TICRR: variants seen among roughly 807,000 people sequenced by gnomAD.
The protein encoded by TICRR is treslin.
A neutral mutation model predicts 178.1 loss-of-function variants in TICRR; 132 were observed. The observed-to-expected ratio is 0.74, with a 90% CI of 0.64 to 0.86. TICRR has a LOEUF of 0.86. Ranked by LOEUF, TICRR falls within the 40% of genes least tolerant of loss-of-function variation. TICRR has a pLI of 0.00. For synonymous variants in TICRR, 991 were observed against 900.7 expected (o/e 1.10, Z -1.79); for missense variants, 2,587 against 2,334.3 (o/e 1.11, Z -2.23).
chr15:89,582,185 A>G (rs889117836), intron 1 of TICRR: 1 of 152,532 alleles, frequency 6.6e-6, no homozygotes, highest in African/African-American at 2.4e-5. Context: ...TTAGGCGGGC[A>G]TGGTGGCGCA....
intron 8 of TICRR, among the ~76,000 whole-genome samples, chr15:89,600,256 C>A (rs1963071690): frequency 6.6e-6 from 1 of 152,148 alleles, no homozygotes; most frequent in Non-Finnish European, 1.5e-5. Context: ...TATTCATGTT[C>A]AGTGGCCATC....
At chr15:89,595,748 A>G in intron 7 of TICRR, 137 bp downstream of exon 7, 1 of 659,614 alleles carries the variant, frequency 1.5e-6, no homozygotes, top group Non-Finnish European at 2.6e-6. Flanking sequence ...TAATAAGATA[A>G]TGTGCTATTC....
intron 1 of TICRR, among the ~76,000 whole-genome samples, chr15:89,581,782 G>A (rs1427667200): frequency 2.0e-5 from 3 of 152,162 alleles, no homozygotes; most frequent in Non-Finnish European, 4.4e-5. Context: ...GAGAAGTAGC[G>A]TGACCAGAGA....
intron 14 of TICRR, among the ~76,000 whole-genome samples, chr15:89,608,601 T>A (rs989416433): frequency 2.6e-5 from 4 of 152,120 alleles, no homozygotes; most frequent in African/African-American, 7.2e-5. Flanking sequence ...ACATATAAAA[T>A]TTTTTTTAAT....
Position 89,625,039 on chromosome 15 carries a change from A to T in TICRR, c.4729A>T (p.Lys1577Ter). 1 of 1,614,014 alleles carries T rather than the reference A, an allele frequency of 6.2e-7. No homozygotes were observed. The highest frequency in any genetic ancestry group is 8.5e-7 in the Non-Finnish European group (1 of 1,180,008). Reference sequence around the variant, plus strand: ...TGGCCTTCCCAAACTTCGAATTAAGAAGATAGACCCCAGCTCTTCATTAGA... The same window carrying T: ...TGGCCTTCCCAAACTTCGAATTAAGTAGATAGACCCCAGCTCTTCATTAGA... Reference protein sequence around the residue: ...ASGLPKLRIKKIDPSSSLEAE... With the variant: ...ASGLPKLRIK Residue 1577 changes from lysine to a stop codon, truncating the protein, a stop_gained, in exon 20 of 22, where the codon AAG becomes TAG. Transcript: ENST00000268138. LOFTEE classifies it high-confidence loss of function.
At chr15:89,583,879 G>A (rs1962773465) in intron 2 of TICRR, among the ~76,000 whole-genome samples, 1 of 152,058 alleles carries the variant, frequency 6.6e-6, no homozygotes, top group Non-Finnish European at 1.5e-5. Context: ...TAGAGATGGG[G>A]TTTTGCCTTG....
chr15:89,586,346 A>C (rs1962823077), intron 4 of TICRR, among the ~76,000 whole-genome samples: 1 of 150,626 alleles, frequency 6.6e-6, no homozygotes, highest in South Asian at 2.1e-4. Context: ...GTAGATTTAA[A>C]TATACGTATA....
intron 3 of TICRR, among the ~76,000 whole-genome samples, 197 bp downstream of exon 3, chr15:89,584,724 A>G (rs1220246877): frequency 6.6e-6 from 1 of 152,268 alleles, no homozygotes; most frequent in African/African-American, 2.4e-5. Context: ...TGCATGTACC[A>G]AGAATCCAAT....
chr15:89,624,712 A>G lies in TICRR; in HGVS notation c.4402A>G (p.Ser1468Gly). The part of the protein sequence containing the change: ...TSDTEHVTLL[S>G]EAEHHGIGDL... ...TGACACAGAGCATGTCACTCTCCTC[A>G]GTGAAGCCGAACACCATGGCATTGG... is the stretch of plus-strand genomic sequence containing the variant. Residue 1468 changes from serine (S) to glycine (G), a missense_variant, in exon 20 of 22, where the codon AGT becomes GGT. Coordinates refer to ENST00000268138, the MANE Select transcript of TICRR (RefSeq NM_152259.4). 1 of 1,614,164 alleles carries G rather than the reference A, an allele frequency of 6.2e-7. No individual in the cohort carries two copies. Among genetic ancestry groups the G allele is most frequent in the Non-Finnish European group, 8.5e-7 (1 of 1,180,038 alleles).
intron 19 of TICRR, among the ~76,000 whole-genome samples, chr15:89,622,880 TTAGGCAGCCCTTCTTTG>T (rs1184874390): frequency 2.0e-5 from 3 of 152,210 alleles, no homozygotes; most frequent in African/African-American, 7.2e-5. Flanking sequence ...CCAGGCTGGG[TTAGGCAGCCCTTCTTTG>T]TGTTCTGTGA....
chr15:89,595,922 A>T (rs952437895), intron 7 of TICRR, among the ~76,000 whole-genome samples: 7 of 148,528 alleles, frequency 4.7e-5, no homozygotes, highest in African/African-American at 1.7e-4. Flanking sequence ...TGCTTTACAG[A>T]TTTTTTTTTT....
In TICRR at chr15:89,584,359, A is replaced by G; in HGVS notation, c.1008A>G (p.Lys336=). Reference sequence around the variant, plus strand: ...CCATGCATCAGAGACATTTTCAGAAACCAGTCAGAATTTTTCTAAAAGGCT... The same window carrying G: ...CCATGCATCAGAGACATTTTCAGAAGCCAGTCAGAATTTTTCTAAAAGGCT... The part of the protein sequence containing the change: ...PLAMHQRHFQ[K]PVRIFLKGSV... The change falls in exon 3 of 22, where the codon AAA becomes AAG. Residue 336 remains lysine (K), a synonymous_variant. Coordinates refer to ENST00000268138, the MANE Select transcript of TICRR (RefSeq NM_152259.4). The G allele has an allele frequency of 1.2e-6, 2 of 1,614,182 alleles. No homozygotes were observed. The highest frequency in any genetic ancestry group is 1.7e-6 in the Non-Finnish European group (2 of 1,180,028).
At chr15:89,626,313 T>C (rs1050524716) in intron 21 of TICRR, among the ~76,000 whole-genome samples, 5 of 152,234 alleles carry the variant, frequency 3.3e-5, no homozygotes, top group Non-Finnish European at 5.9e-5. Flanking sequence ...AGTCGTGGGC[T>C]TGCCGCAACA....
At chr15:89,578,877 A>G (rs571058666) in intron 1 of TICRR, among the ~76,000 whole-genome samples, 12 of 152,230 alleles carry the variant, frequency 7.9e-5, no homozygotes, top group Non-Finnish European at 1.6e-4. Flanking sequence ...AAACCTGCCC[A>G]GCCATGCTGG....
chr15:89,623,545 G>A, intron 19 of TICRR, 78 bp from the exon 20 acceptor site: 7 of 1,379,518 alleles, frequency 5.1e-6, no homozygotes, highest in African/African-American at 2.9e-5. Context: ...CTCCCATTTG[G>A]TCTTAGAGAT....
intron 17 of TICRR, among the ~76,000 whole-genome samples, chr15:89,618,852 G>A (rs994340355): frequency 5.3e-5 from 8 of 152,186 alleles, no homozygotes; most frequent in East Asian, 1.9e-4. Context: ...CCAGCTACTC[G>A]GGAGGCTGAG....
At chr15:89,604,108 C>T (rs532127015) in intron 13 of TICRR, among the ~76,000 whole-genome samples, 4 of 151,872 alleles carry the variant, frequency 2.6e-5, no homozygotes, top group Non-Finnish European at 4.4e-5. Context: ...AAAAGGGAGA[C>T]TAAAAACACA....
At chr15:89,576,821 GTATATATATATATATATA>G (rs369518649) in intron 1 of TICRR, among the ~76,000 whole-genome samples, 55 of 92,442 alleles carry the variant, frequency 5.9e-4, no homozygotes, top group African/African-American at 1.8e-3. Context: ...ATGTGTGTGT[GTATATATATATATATATA>G]TATATATATA....
At position 89,594,511 on chromosome 15, in the gene TICRR, T is replaced by TGAAGAATCCACTATAGCTCATCAA. The variant is rs772731823; in HGVS notation, c.1644_1667dup (p.Glu548_Glu555dup). The TGAAGAATCCACTATAGCTCATCAA allele has an allele frequency of 1.2e-6, 2 of 1,613,348 alleles. No individual in the cohort carries two copies. The highest frequency in any genetic ancestry group is 4.5e-5 in the East Asian group (2 of 44,828). On this transcript the variant is annotated inframe_insertion, in exon 6 of 22. Transcript: ENST00000268138. Reference sequence around the variant, plus strand: ...CCGAGCTCTACCAGAGAAAATCTCGTGAAGAATCCACTATAGCTCATCAAG... The same window carrying TGAAGAATCCACTATAGCTCATCAA: ...CCGAGCTCTACCAGAGAAAATCTCGTGAAGAATCCACTATAGCTCATCAAGAAGAATCCACTATAGCTCATCAAG...
Sources: gnomAD v4.1 joint callset for allele counts (sites outside exome capture counted in the v4.1 genomes callset) on GRCh38, gnomAD v4.1.1 for gene constraint, MANE v1.5 for transcripts, NCBI Gene and HGNC (gene_info 2026-07-23, HGNC 2026-07-21) for gene names.